CTNNA2: variants seen among roughly 807,000 people sequenced by gnomAD.
CTNNA2 encodes catenin alpha 2, also known as catenin alpha-2.
A neutral mutation model predicts 101.0 loss-of-function variants in CTNNA2; 42 were observed. The ratio of observed to expected loss-of-function variants is 0.42; its 90% CI spans 0.32 to 0.54. The LOEUF (loss-of-function observed/expected upper bound fraction) is 0.54, where lower values mean the gene tolerates loss of function less well. Among genes scored for constraint, CTNNA2 ranks in the 20% least tolerant of loss-of-function variants. The probability of loss-of-function intolerance (pLI) is 0.14; values close to 1 mark genes in which losing one functional copy is unlikely to be tolerated. For missense variants in CTNNA2, 871 were observed against 1,223.1 expected (o/e 0.71, Z 4.29); for synonymous variants, 450 against 456.4 (o/e 0.99, Z 0.18).
At chr2:80,549,392 A>G (rs1044163241) in intron 11 of CTNNA2, among the ~76,000 whole-genome samples, 1 of 152,152 alleles carries the variant, frequency 6.6e-6, no homozygotes, top group African/African-American at 2.4e-5. Context: ...TTCACCGTGA[A>G]CTTTATTGCT....
At chr2:79,872,704 G>T (rs1682686576) in intron 5 of CTNNA2, among the ~76,000 whole-genome samples, 2 of 152,130 alleles carry the variant, frequency 1.3e-5, no homozygotes, top group African/African-American at 2.4e-5. Context: ...AATATAATGT[G>T]TTTGTCTCAG....
chr2:79,254,512 C>T (rs958181963), intron 2 of CTNNA2, among the ~76,000 whole-genome samples: 4 of 152,178 alleles, frequency 2.6e-5, no homozygotes, highest in Non-Finnish European at 5.9e-5. Context: ...GCTCCTGCTT[C>T]GCCTTCTGCC....
Position 79,233,618 on chromosome 2 carries a change from C to G in CTNNA2, c.-406+35542C>G, listed in dbSNP as rs116532550. On this transcript the variant is annotated intron_variant, in intron 2 of 21. Transcript: ENST00000466387. The stretch of plus-strand genomic sequence containing the variant: ...TCCAGAATTTGTTTTAGTTTCCTGC[C>G]TCAATAATCTGTCTAATGCTGTTAG... Among the ~76,000 whole-genome samples the G allele has an allele frequency of 1.6e-3, 243 of 152,182 alleles. 1 individual carries two copies. The highest frequency in any genetic ancestry group is 5.6e-3 in the African/African-American group (234 of 41,530).
intron 7 of CTNNA2, among the ~76,000 whole-genome samples, chr2:80,366,542 C>T (rs1573857049): frequency 6.6e-6 from 1 of 152,134 alleles, no homozygotes; most frequent in South Asian, 2.1e-4. Flanking sequence ...ATCTGCAGAT[C>T]TAGCCGATGA....
chr2:79,742,463 C>A (rs1442229925), intron 2 of CTNNA2, among the ~76,000 whole-genome samples: 1 of 152,120 alleles, frequency 6.6e-6, no homozygotes. Context: ...GGCCTAAATG[C>A]AGATGGTAGA....
chr2:80,452,802 G>C (rs184517361), intron 9 of CTNNA2, among the ~76,000 whole-genome samples: 1 of 151,350 alleles, frequency 6.6e-6, no homozygotes, highest in East Asian at 1.9e-4. Context: ...AATGAACCTT[G>C]GTTAGCTGGT....
At chr2:79,601,196 G>C (rs72820697) in intron 1 of CTNNA2, among the ~76,000 whole-genome samples, 1 of 152,058 alleles carries the variant, frequency 6.6e-6, no homozygotes, top group Non-Finnish European at 1.5e-5. Context: ...CAGGAGGTAC[G>C]TTCTTATGTA....
intron 8 of CTNNA2, among the ~76,000 whole-genome samples, chr2:80,414,588 C>T (rs6744154): frequency 0.041 from 6,251 of 152,194 alleles, 310 homozygotes; most frequent in African/African-American, 0.12. Flanking sequence ...TCCTCCCGAC[C>T]GCTACCTCCT....
intron 7 of CTNNA2, among the ~76,000 whole-genome samples, chr2:80,025,940 T>C (rs941558825): frequency 2.6e-5 from 4 of 152,072 alleles, no homozygotes; most frequent in African/African-American, 9.7e-5. Context: ...TACATGCAAG[T>C]AGGGGCAAAA....
chr2:80,215,705 G>T (rs572096336), intron 7 of CTNNA2, among the ~76,000 whole-genome samples: 2 of 152,314 alleles, frequency 1.3e-5, no homozygotes, highest in East Asian at 1.9e-4. Flanking sequence ...GCTACTCAAG[G>T]GTCAGGGACC....
chr2:79,224,165 G>A (rs932178070), intron 2 of CTNNA2, among the ~76,000 whole-genome samples: 7 of 152,090 alleles, frequency 4.6e-5, no homozygotes, highest in African/African-American at 1.7e-4. Flanking sequence ...ATGTATTTGT[G>A]TGTGTATATC....
At chr2:80,231,334 G>A (rs2149074446) in intron 7 of CTNNA2, among the ~76,000 whole-genome samples, 1 of 152,208 alleles carries the variant, frequency 6.6e-6, no homozygotes, top group South Asian at 2.1e-4. Flanking sequence ...CAGTCACAGT[G>A]GTTCAGAGCG....
At chr2:80,636,586 C>T (rs946105308) in intron 18 of CTNNA2, among the ~76,000 whole-genome samples, 1 of 152,188 alleles carries the variant, frequency 6.6e-6, no homozygotes, top group Non-Finnish European at 1.5e-5. Context: ...TACCAGGTAA[C>T]ACCATTTGGT....
intron 2 of CTNNA2, among the ~76,000 whole-genome samples, chr2:79,718,462 G>A (rs1316656831): frequency 6.6e-6 from 1 of 152,048 alleles, no homozygotes; most frequent in African/African-American, 2.4e-5. Flanking sequence ...AAAATGATCT[G>A]CTCCCCACTT....
At chr2:79,503,355 T>C (rs1221416333) in intron 4 of CTNNA2, among the ~76,000 whole-genome samples, 6 of 152,186 alleles carry the variant, frequency 3.9e-5, no homozygotes, top group African/African-American at 1.4e-4. Flanking sequence ...TAGATTATTG[T>C]CCCTTAGCTG....
intron 7 of CTNNA2, among the ~76,000 whole-genome samples, chr2:80,079,048 G>T (rs1278396020): frequency 4.6e-5 from 7 of 152,128 alleles, no homozygotes; most frequent in Admixed American, 4.6e-4. Flanking sequence ...TACTCTTCCA[G>T]TGAACTGATA....
chr2:79,608,283 A>G (rs1678030411), intron 1 of CTNNA2, among the ~76,000 whole-genome samples: 1 of 152,076 alleles, frequency 6.6e-6, no homozygotes, highest in Non-Finnish European at 1.5e-5. Context: ...ATCTTCCTAC[A>G]AAGAAAACTT....
chr2:79,808,864 CG>C (rs2105327952), intron 3 of CTNNA2, among the ~76,000 whole-genome samples: 1 of 151,808 alleles, frequency 6.6e-6, no homozygotes, highest in African/African-American at 2.4e-5. Context: ...TAGGTATACA[CG>C]TGCCATGGTG....
chr2:80,365,207 A>G (rs1674805847), intron 7 of CTNNA2, among the ~76,000 whole-genome samples: 1 of 152,102 alleles, frequency 6.6e-6, no homozygotes, highest in African/African-American at 2.4e-5. Context: ...AACCTGTGCA[A>G]TTCCAATCAA....
Sources: allele counts gnomAD v4.1 joint callset (sites outside exome capture counted in the v4.1 genomes callset), GRCh38; gene constraint gnomAD v4.1.1; transcripts MANE v1.5; gene names NCBI Gene and HGNC (gene_info 2026-07-23, HGNC 2026-07-21).